The following COX10 variants were observed in gnomAD, a reference collection of about 807,000 sequenced individuals.
COX10 encodes the protein cytochrome c oxidase assembly factor heme A:farnesyltransferase COX10, also known as protoheme IX farnesyltransferase, mitochondrial.
A neutral mutation model predicts 37.3 loss-of-function variants in COX10; 27 were observed. The observed-to-expected ratio is 0.72, with a 90% confidence interval of 0.53 to 1.00. The LOEUF (loss-of-function observed/expected upper bound fraction) is 1.00, where lower values mean the gene tolerates loss of function less well. Ranked by LOEUF, COX10 falls within the 50% of genes least tolerant of loss-of-function variation. The pLI, the probability that COX10 is intolerant of heterozygous loss-of-function variation, is 0.00. For missense variants in COX10, 475 were observed against 563.2 expected (o/e 0.84, Z 1.59); for synonymous variants, 222 against 229.1 (o/e 0.97, Z 0.28).
At chr17:14,203,072 GC>G (rs1906593434) in intron 6 of COX10, among the ~76,000 whole-genome samples, 1 of 152,122 alleles carries the variant, frequency 6.6e-6, no homozygotes, top group Non-Finnish European at 1.5e-5. Flanking sequence ...TAGACTTTAA[GC>G]AGGACTTGAT....
intron 5 of COX10, among the ~76,000 whole-genome samples, chr17:14,163,679 G>GA (rs1905217191): frequency 1.3e-5 from 2 of 152,044 alleles, no homozygotes; most frequent in African/African-American, 4.8e-5. Context: ...TGTCTTAAAA[G>GA]AAAAAAAGCA....
chr17:14,154,371 T>C (rs898784113), intron 4 of COX10, among the ~76,000 whole-genome samples: 1 of 152,218 alleles, frequency 6.6e-6, no homozygotes, highest in South Asian at 2.1e-4. Flanking sequence ...TAGAGTGACA[T>C]TGCTATGTTG....
intron 1 of COX10, among the ~76,000 whole-genome samples, chr17:14,072,435 G>T (rs1300758449): frequency 1.3e-5 from 2 of 152,056 alleles, no homozygotes; most frequent in African/African-American, 4.8e-5. Flanking sequence ...TGGCCAGGAT[G>T]GTCTCGAACT....
At chr17:14,069,703 G>T (rs1914966952) in intron 1 of COX10, 55 bp downstream of exon 1, 11 of 1,608,340 alleles carry the variant, frequency 6.8e-6, no homozygotes, top group Non-Finnish European at 8.5e-6. Context: ...TTATTACCAC[G>T]TGCGAGGCCG....
In COX10 at chr17:14,141,529, C is replaced by CAAA. The variant is rs71147842; in HGVS notation, c.625-18325_625-18323dup. Among the ~76,000 whole-genome samples the CAAA allele has an allele frequency of 7.2e-3, 487 of 67,212 alleles. 2 individuals carry two copies. Among genetic ancestry groups the CAAA allele is most frequent in the African/African-American group, 0.01 (160 of 15,524 alleles). 44.1% of individuals were successfully genotyped at this position (67,212 alleles called of 152,430 possible). The stretch of plus-strand genomic sequence containing the variant: ...TCAGTGTCAGAGCCAGTCCCTGTCT[C>CAAA]AAAAAAAAAAAAAAAAAAAAAAAAA... On this transcript the variant is annotated intron_variant, in intron 4 of 6. Transcript: ENST00000261643.
rs546766253 is a variant in COX10, at chr17:14,077,396, G to A, written c.499+340G>A. The A allele has an allele frequency of 5.8e-4, 175 of 300,582 alleles. 1 individual carries two copies. Among genetic ancestry groups the A allele is most frequent in the African/African-American group, 3.6e-3 (162 of 44,802 alleles). 18.6% of individuals were successfully genotyped at this position (300,582 alleles called of 1,614,324 possible). ...AATAGGTTTTGTCAACTTGAGTTCTGGAATGGGAAGAATTGCACTACTGGG... is the reference window on the plus strand; with the variant it reads ...AATAGGTTTTGTCAACTTGAGTTCTAGAATGGGAAGAATTGCACTACTGGG... On this transcript the variant is annotated intron_variant, in intron 3 of 6. Coordinates refer to ENST00000261643, the MANE Select transcript of COX10 (RefSeq NM_001303.4).
chr17:14,155,434 G>A (rs1905016921), intron 4 of COX10, among the ~76,000 whole-genome samples: 1 of 151,972 alleles, frequency 6.6e-6, no homozygotes, highest in African/African-American at 2.4e-5. Flanking sequence ...AGGAGAGTGA[G>A]GCCGGGCACG....
chr17:14,151,554 C>G (rs989991531), intron 4 of COX10, among the ~76,000 whole-genome samples: 1 of 151,518 alleles, frequency 6.6e-6, no homozygotes, highest in Non-Finnish European at 1.5e-5. Context: ...CACACACACA[C>G]ACACACACAC....
At chr17:14,194,340 C>G (rs1375185800) in intron 6 of COX10, among the ~76,000 whole-genome samples, 3 of 152,358 alleles carry the variant, frequency 2.0e-5, no homozygotes, top group Admixed American at 2.0e-4. Context: ...TTCAAAAGTC[C>G]TCACTTAAGA....
At chr17:14,198,079 T>A (rs1906421192) in intron 6 of COX10, among the ~76,000 whole-genome samples, 1 of 152,192 alleles carries the variant, frequency 6.6e-6, no homozygotes, top group African/African-American at 2.4e-5. Context: ...GAGGGTTGCT[T>A]TCTGGCCCCT....
chr17:14,121,560 T>G (rs1916230228), intron 4 of COX10, among the ~76,000 whole-genome samples: 1 of 152,186 alleles, frequency 6.6e-6, no homozygotes, highest in African/African-American at 2.4e-5. Context: ...TGGGGCAAAT[T>G]ACTTTTCTGT....
At chr17:14,122,275 T>C (rs1171328088) in intron 4 of COX10, among the ~76,000 whole-genome samples, 1 of 152,144 alleles carries the variant, frequency 6.6e-6, no homozygotes, top group African/African-American at 2.4e-5. Flanking sequence ...GAGGCACTTG[T>C]TTGCCTGGGT....
At chr17:14,151,860 A>G (rs1209874212) in intron 4 of COX10, among the ~76,000 whole-genome samples, 1 of 152,242 alleles carries the variant, frequency 6.6e-6, no homozygotes, top group East Asian at 1.9e-4. Context: ...ATTTTTCAAC[A>G]CATTATATAA....
chr17:14,172,991 C>T (rs1905530870), intron 5 of COX10, among the ~76,000 whole-genome samples: 1 of 152,130 alleles, frequency 6.6e-6, no homozygotes, highest in Non-Finnish European at 1.5e-5. Context: ...CCATGTATGT[C>T]TTCTTTCAAA....
chr17:14,109,124 A>G (rs1915960335), intron 4 of COX10, among the ~76,000 whole-genome samples: 1 of 152,182 alleles, frequency 6.6e-6, no homozygotes, highest in African/African-American at 2.4e-5. Context: ...TGAAGTTGAT[A>G]ACTCATGGCT....
At chr17:14,108,107 A>C (rs1382464691) in intron 4 of COX10, among the ~76,000 whole-genome samples, 1 of 152,196 alleles carries the variant, frequency 6.6e-6, no homozygotes, top group African/African-American at 2.4e-5. Flanking sequence ...AATGATTATG[A>C]CTAACATATT....
At chr17:14,143,639 A>G (rs1904615322) in intron 4 of COX10, among the ~76,000 whole-genome samples, 1 of 152,170 alleles carries the variant, frequency 6.6e-6, no homozygotes, top group Non-Finnish European at 1.5e-5. Context: ...TAGGATCTGA[A>G]GTTCAAAAAC....
chr17:14,136,060 A>G (rs1597515172), intron 4 of COX10, among the ~76,000 whole-genome samples: 1 of 152,000 alleles, frequency 6.6e-6, no homozygotes, highest in South Asian at 2.1e-4. Flanking sequence ...CAAACAAAAC[A>G]AAGAAAATGT....
intron 6 of COX10, among the ~76,000 whole-genome samples, chr17:14,203,495 G>A (rs1044256161): frequency 3.3e-5 from 5 of 152,080 alleles, no homozygotes; most frequent in Admixed American, 1.3e-4. Flanking sequence ...TCTGATAAAC[G>A]TAACTCAGAA....
Sources: allele counts gnomAD v4.1 joint callset (sites outside exome capture counted in the v4.1 genomes callset), GRCh38; gene constraint gnomAD v4.1.1; transcripts MANE v1.5; gene names NCBI Gene and HGNC (gene_info 2026-07-23, HGNC 2026-07-21).